Variants in THSD4 observed in about 807,000 individuals in gnomAD.
THSD4 encodes thrombospondin type 1 domain containing 4.
THSD4 carries 69 observed loss-of-function variants against 119.0 expected under a neutral mutation model. That is an observed-to-expected ratio of 0.58 (90% CI 0.48 to 0.71). The LOEUF (loss-of-function observed/expected upper bound fraction) is 0.71, where lower values mean the gene tolerates loss of function less well. Ranked by LOEUF, THSD4 falls within the 30% of genes least tolerant of loss-of-function variation. The pLI is 0.00. For missense variants in THSD4, 1,393 were observed against 1,391.1 expected (o/e 1.00, Z -0.02); for synonymous variants, 524 against 540.4 (o/e 0.97, Z 0.42).
At chr15:71,340,970 T>C (rs563092408) in intron 6 of THSD4, among the ~76,000 whole-genome samples, 1 of 152,200 alleles carries the variant, frequency 6.6e-6, no homozygotes, top group Non-Finnish European at 1.5e-5. Flanking sequence ...TCTACACTGG[T>C]CCCTACAGTT....
At chr15:71,137,616 C>T (rs2040563589) in intron 1 of THSD4, among the ~76,000 whole-genome samples, 1 of 152,058 alleles carries the variant, frequency 6.6e-6, no homozygotes, top group East Asian at 1.9e-4. Context: ...GTGGTGACCC[C>T]CAGTTTGAAA....
chr15:71,104,443 C>T (rs796217025), intron 1 of THSD4, among the ~76,000 whole-genome samples: 1 of 152,182 alleles, frequency 6.6e-6, no homozygotes, highest in South Asian at 2.1e-4. Context: ...CACTGTCTAC[C>T]TGGAGCTAAG....
intron 7 of THSD4, among the ~76,000 whole-genome samples, chr15:71,477,913 C>G (rs1177440959): frequency 6.6e-6 from 1 of 152,046 alleles, no homozygotes; most frequent in African/African-American, 2.4e-5. Flanking sequence ...TCAAATCTGG[C>G]ACGATGTAGC....
chr15:71,514,408 A>G (rs2048326003), intron 7 of THSD4, among the ~76,000 whole-genome samples: 1 of 152,232 alleles, frequency 6.6e-6, no homozygotes, highest in Admixed American at 6.5e-5. Flanking sequence ...GAAGGTATTA[A>G]AGTTATTCTC....
At chr15:71,448,430 A>T (rs1053333421) in intron 7 of THSD4, among the ~76,000 whole-genome samples, 4 of 152,250 alleles carry the variant, frequency 2.6e-5, no homozygotes, top group South Asian at 2.1e-4. Flanking sequence ...AATAGATATT[A>T]GATGTATTAA....
chr15:71,768,960 T>TCGG, intron 16 of THSD4, among the ~76,000 whole-genome samples: 1 of 105,982 alleles, frequency 9.4e-6, no homozygotes, highest in East Asian at 2.6e-4. Flanking sequence ...GGGAGGGAGG[T>TCGG]GGGGGGGTCG....
chr15:71,614,342 C>A (rs939219414), intron 7 of THSD4, among the ~76,000 whole-genome samples: 11 of 152,142 alleles, frequency 7.2e-5, no homozygotes, highest in African/African-American at 2.2e-4. Context: ...TTGTCATTTT[C>A]GCCTGCTTTT....
At chr15:71,409,706 G>A (rs1020157274) in intron 6 of THSD4, among the ~76,000 whole-genome samples, 1 of 152,138 alleles carries the variant, frequency 6.6e-6, no homozygotes, top group African/African-American at 2.4e-5. Flanking sequence ...GAGGTTTTCA[G>A]TGGCTTTGGA....
intron 5 of THSD4, among the ~76,000 whole-genome samples, chr15:71,252,119 A>G (rs1165060440): frequency 2.0e-5 from 3 of 152,140 alleles, no homozygotes; most frequent in Non-Finnish European, 4.4e-5. Context: ...CTCTATCTAC[A>G]TGGCTTTTCC....
At chr15:71,290,203 G>A (rs749956810) in intron 6 of THSD4, among the ~76,000 whole-genome samples, 1 of 152,212 alleles carries the variant, frequency 6.6e-6, no homozygotes, top group Non-Finnish European at 1.5e-5. Context: ...AGACATGTCT[G>A]TAGCCTTAGG....
intron 3 of THSD4, chr15:71,186,816 A>G (rs1339476674): frequency 6.6e-6 from 1 of 152,254 alleles, no homozygotes; most frequent in Non-Finnish European, 1.5e-5. Context: ...GAAAGCCTCT[A>G]AACTGCTCAG....
At chr15:71,668,975 A>T (rs902196616) in intron 8 of THSD4, among the ~76,000 whole-genome samples, 3 of 152,222 alleles carry the variant, frequency 2.0e-5, no homozygotes, top group African/African-American at 7.2e-5. Context: ...ATATCCTAAT[A>T]TGTATATCTT....
chr15:71,251,636 T>C (rs4776542), intron 5 of THSD4, among the ~76,000 whole-genome samples: 59,135 of 151,936 alleles, frequency 0.39, 12,493 homozygotes, highest in East Asian at 0.67. Context: ...TCCATAGCAG[T>C]GAAAAGGATA....
At chr15:71,442,678 A>ATATG (rs2047125086) in intron 7 of THSD4, among the ~76,000 whole-genome samples, 1 of 87,980 alleles carries the variant, frequency 1.1e-5, no homozygotes, top group African/African-American at 4.2e-5. Flanking sequence ...ATATATATAT[A>ATATG]TATATATATA....
intron 3 of THSD4, among the ~76,000 whole-genome samples, chr15:71,208,746 A>T (rs1196853110): frequency 2.0e-5 from 3 of 152,066 alleles, no homozygotes; most frequent in African/African-American, 7.2e-5. Flanking sequence ...GCCTGACCTC[A>T]AATTATCCAC....
chr15:71,540,740 T>C (rs2048748888), intron 7 of THSD4, among the ~76,000 whole-genome samples: 1 of 138,408 alleles, frequency 7.2e-6, no homozygotes, highest in Admixed American at 7.5e-5. Context: ...TTTTTTTTTT[T>C]TTTTTTAAAC....
At chr15:71,365,055 T>TA (rs1468521036) in intron 6 of THSD4, among the ~76,000 whole-genome samples, 1 of 151,778 alleles carries the variant, frequency 6.6e-6, no homozygotes, top group Non-Finnish European at 1.5e-5. Flanking sequence ...CCAGAGATGA[T>TA]ACAAAAATCA....
intron 7 of THSD4, among the ~76,000 whole-genome samples, chr15:71,447,154 CTCTG>C (rs2047196776): frequency 8.0e-6 from 1 of 125,350 alleles, no homozygotes; most frequent in South Asian, 2.9e-4. Flanking sequence ...CAGAATCTCA[CTCTG>C]TCGCCAGGCT....
chr15:71,478,704 T>C (rs972196518), intron 7 of THSD4, among the ~76,000 whole-genome samples: 1 of 152,186 alleles, frequency 6.6e-6, no homozygotes, highest in East Asian at 1.9e-4. Context: ...AGAGTAATTA[T>C]GGGATGTGCA....
Sources: gnomAD v4.1 joint callset for allele counts (sites outside exome capture counted in the v4.1 genomes callset) on GRCh38, gnomAD v4.1.1 for gene constraint, MANE v1.5 for transcripts, NCBI Gene and HGNC (gene_info 2026-07-23, HGNC 2026-07-21) for gene names.